ZNF584: variants seen among roughly 807,000 people sequenced by gnomAD.
ZNF584 encodes the protein zinc finger protein 584.
A neutral mutation model predicts 14.7 loss-of-function variants in ZNF584; 12 were observed. The ratio of observed to expected loss-of-function variants is 0.82; its 90% CI spans 0.52 to 1.32. The LOEUF is 1.32. Among genes scored for constraint, ZNF584 ranks in the 40% most tolerant of loss-of-function variants. The pLI, the probability that ZNF584 is intolerant of heterozygous loss-of-function variation, is 0.00. For missense variants in ZNF584, 478 were observed against 518.8 expected (o/e 0.92, Z 0.76); for synonymous variants, 204 against 190.9 (o/e 1.07, Z -0.57).
chr19:58,416,740 A>G, intron 3 of ZNF584, 71 bp from the exon 4 acceptor site: 1 of 1,505,156 alleles, frequency 6.6e-7, no homozygotes, highest in Non-Finnish European at 8.9e-7. Context: ...GGTGTGTCTG[A>G]CATGCACTGG....
At chr19:58,414,684 C>T (rs548365995) in intron 2 of ZNF584, among the ~76,000 whole-genome samples, 2 of 152,094 alleles carry the variant, frequency 1.3e-5, no homozygotes, top group South Asian at 2.1e-4. Context: ...TTCTGAAGAC[C>T]GTTCCATGTG....
intron 2 of ZNF584, among the ~76,000 whole-genome samples, chr19:58,410,527 A>ATATATATATG (rs2052532462): frequency 1.2e-4 from 2 of 17,378 alleles, no homozygotes; most frequent in Admixed American, 1.3e-3. Context: ...AAATATATAT[A>ATATATATATG]TATATATATA....
upstream of ZNF584, among the ~76,000 whole-genome samples, chr19:58,403,770 A>C (rs536514039): frequency 1.1e-4 from 16 of 152,110 alleles, 1 homozygote; most frequent in South Asian, 3.3e-3. Flanking sequence ...GGAGATGGAG[A>C]CCATCCTGGC....
At chr19:58,416,087 A>T (rs1364742206) in intron 3 of ZNF584, 4 of 851,936 alleles carry the variant, frequency 4.7e-6, no homozygotes, top group Non-Finnish European at 7.1e-6. Context: ...TTTGCAGAGG[A>T]GTGACTTGGA....
rs35111737 is a variant in ZNF584, at chr19:58,417,384, G to A, written c.866G>A (p.Arg289Gln). 9,650 of 1,605,842 alleles carry A rather than the reference G, an allele frequency of 6.0e-3. 41 individuals are homozygous for A. The highest frequency in any genetic ancestry group is 0.011 in the Middle Eastern group (69 of 6,042). Reference sequence around the variant, plus strand: ...GTTCTGTCTACCCTCATTCGGCACCGGAAAGTGCACATTGGAGAAAGGCCC... The same window carrying A: ...GTTCTGTCTACCCTCATTCGGCACCAGAAAGTGCACATTGGAGAAAGGCCC... Reference protein sequence around the residue: ...FSVLSTLIRHRKVHIGERPYE... With the variant: ...FSVLSTLIRHQKVHIGERPYE... The change falls in exon 4 of 4, where the codon CGG (arginine) becomes CAG (glutamine). Residue 289 changes from arginine to glutamine, a missense_variant. Physicochemically the swap from Arg to Gln is conservative, Grantham distance 43. Around this residue, in one of 3 missense-constraint regions of ZNF584, gnomAD observed 283 missense variants for 317.3 expected, o/e 0.89. Coordinates refer to ENST00000306910, the MANE Select transcript of ZNF584 (RefSeq NM_173548.3).
Position 58,408,906 on chromosome 19 carries a change from C to G in ZNF584, c.-242C>G, listed in dbSNP as rs940487826. 1 of 423,060 alleles carries G rather than the reference C, an allele frequency of 2.4e-6. No individual in the cohort carries two copies. Among genetic ancestry groups the G allele is most frequent in the Non-Finnish European group, 4.2e-6 (1 of 238,766 alleles). The allele number at this position is 423,060 out of a possible 1,614,324, so 26.2% of individuals were successfully genotyped here. ...GCGCCTTCCACGCGCCGTGCCCCAC[C>G]GGCGAGTGGCTCCATCTTCCTCAGA... On this transcript the variant is annotated 5_prime_UTR_variant, in exon 1 of 4. Transcript: ENST00000306910.
chr19:58,416,117 GC>G, intron 3 of ZNF584: 2 of 655,022 alleles, frequency 3.1e-6, no homozygotes, highest in Non-Finnish European at 5.1e-6. Context: ...TCTCTTCCCT[GC>G]ACCATATCCT....
chr19:58,406,342 A>AGGGGGGGGGGGGGGGGGGGGG (rs1201178942), upstream of ZNF584: 1 of 49,496 alleles, frequency 2.0e-5, no homozygotes, highest in African/African-American at 6.1e-5. Flanking sequence ...CCGTGGAAAG[A>AGGGGGGGGGGGGGGGGGGGGG]GCGGGGGGGG....
intron 1 of ZNF584, 26 bp from the exon 2 acceptor site, chr19:58,409,915 T>G: frequency 2.5e-6 from 4 of 1,614,050 alleles, no homozygotes; most frequent in Non-Finnish European, 3.4e-6. Flanking sequence ...TTTGGTTGTT[T>G]TTTTCTGCCC....
upstream of ZNF584, chr19:58,406,650 C>T (rs1276694518): frequency 6.6e-6 from 1 of 152,176 alleles, no homozygotes; most frequent in African/African-American, 2.4e-5. Context: ...CTTGCAATCT[C>T]CATGGCTGAG....
upstream of ZNF584, chr19:58,404,887 C>T (rs1403778838): frequency 2.0e-5 from 3 of 150,780 alleles, no homozygotes; most frequent in Non-Finnish European, 4.2e-5. Context: ...CACCTCCCTC[C>T]TGGACGGGGC....
At chr19:58,403,510 TGGG>T (rs1410706111) in intron 1 of ZNF584, among the ~76,000 whole-genome samples, 2 of 95,852 alleles carry the variant, frequency 2.1e-5, no homozygotes, top group Non-Finnish European at 4.0e-5. Context: ...AGGGACTCAG[TGGG>T]AGGGAGGGAG....
In ZNF584 at chr19:58,408,714, C is replaced by G. The variant is rs1201277657; in HGVS notation, c.-434C>G. 1.8e-5 allele frequency: 3 copies of G among 167,696 alleles called. No individual in the cohort carries two copies. The highest frequency in any genetic ancestry group is 1.9e-3 in the Middle Eastern group (1 of 528). 10.4% of individuals were successfully genotyped at this position (167,696 alleles called of 1,614,324 possible). On this transcript the variant is annotated 5_prime_UTR_variant, in exon 1 of 4. Transcript: ENST00000306910. ...AATGGAGGTCGTGGCGTGAGGGGCGCCGAGCGAGGGGAGGCGCGGGCCACG... is the reference window on the plus strand; with the variant it reads ...AATGGAGGTCGTGGCGTGAGGGGCGGCGAGCGAGGGGAGGCGCGGGCCACG...
In ZNF584 at chr19:58,417,629, C is replaced by G. The variant is rs1438488382; in HGVS notation, c.1111C>G (p.Arg371Gly). ...CTTCACTACCAGATCCTACCGCAAT[C>G]GGCACCAGCAGTTCCACACTGAAGA... ...KTFTTRSYRN[R>G]HQQFHTEERS... The change falls in exon 4 of 4, where the codon CGG becomes GGG. Residue 371 changes from arginine (R) to glycine (G), a missense_variant. Physicochemically the swap from Arg to Gly is moderately radical, Grantham distance 125. Coordinates refer to ENST00000306910, the MANE Select transcript of ZNF584 (RefSeq NM_173548.3). 6.2e-7 allele frequency: 1 copy of G among 1,613,990 alleles called. No individual in the cohort carries two copies. The highest frequency in any genetic ancestry group is 8.5e-7 in the Non-Finnish European group (1 of 1,180,036).
chr19:58,417,430 G>A lies in ZNF584; in HGVS notation c.912G>A (p.Gly304=). 6.2e-7 allele frequency: 1 copy of A among 1,603,412 alleles called. No homozygotes were observed. The highest frequency in any genetic ancestry group is 8.5e-7 in the Non-Finnish European group (1 of 1,171,280). Residue 304 remains glycine, a synonymous_variant, in exon 4 of 4, where the codon GGG becomes GGA. Coordinates refer to ENST00000306910, the MANE Select transcript of ZNF584 (RefSeq NM_173548.3). Reference sequence around the variant, plus strand: ...GGCCCTATGAGTGTACAGAATGTGGGAAGTTCTTTAAATACAATAATAGCT... The same window carrying A: ...GGCCCTATGAGTGTACAGAATGTGGAAAGTTCTTTAAATACAATAATAGCT... ...GERPYECTEC[G]KFFKYNNSFI...
rs568727859 is a variant in ZNF584, at chr19:58,417,951, C to A, written c.*167C>A. On this transcript the variant is annotated 3_prime_UTR_variant, in exon 4 of 4. Transcript: ENST00000306910. ...ACGCTTTCGGGAGCCACATTGCACT[C>A]TGACTTGCCTGGGGCTGTTGGCAGT... 3 of 771,896 alleles carry A rather than the reference C, an allele frequency of 3.9e-6. No homozygotes were observed. The highest frequency in any genetic ancestry group is 3.7e-5 in the South Asian group (2 of 53,508). 47.8% of individuals were successfully genotyped at this position (771,896 alleles called of 1,614,324 possible).
chr19:58,413,697 C>T (rs1356940200), intron 2 of ZNF584, among the ~76,000 whole-genome samples: 23 of 150,648 alleles, frequency 1.5e-4, no homozygotes, highest in African/African-American at 5.6e-4. Context: ...GACAGGGTTT[C>T]GCCATGTTGG....
In ZNF584 at chr19:58,410,607, ATATATGTG is replaced by A. The variant is rs1202620471; in HGVS notation, c.169+522_169+529del. Among the ~76,000 whole-genome samples the A allele has an allele frequency of 5.5e-3, 242 of 44,312 alleles. 19 individuals carry two copies. The highest frequency in any genetic ancestry group is 0.048 in the African/African-American group (225 of 4,644). 29.1% of individuals were successfully genotyped at this position (44,312 alleles called of 152,430 possible). ...TGTATATATATGTATATATATGTATATATATGTGTATATATGTGTATATATGTGTATAT... is the reference window on the plus strand; with the variant it reads ...TGTATATATATGTATATATATGTATATATATATGTGTATATATGTGTATAT... On this transcript the variant is annotated intron_variant, in intron 2 of 3. Coordinates refer to ENST00000306910, the MANE Select transcript of ZNF584 (RefSeq NM_173548.3).
upstream of ZNF584, chr19:58,405,053 C>CA (rs1568579808): frequency 7.1e-6 from 1 of 141,732 alleles, no homozygotes; most frequent in East Asian, 2.3e-4. Context: ...CTGACCCCCC[C>CA]ACCTCCCTCC....
Sources: gnomAD v4.1 joint callset for allele counts (sites outside exome capture counted in the v4.1 genomes callset) on GRCh38, gnomAD v4.1.1 for gene constraint, gnomAD v4.1.1 regional missense constraint, MANE v1.5 for transcripts, NCBI Gene and HGNC (gene_info 2026-07-23, HGNC 2026-07-21) for gene names.